ARL8B: variants seen among roughly 807,000 people sequenced by gnomAD.
ARL8B encodes the protein ADP-ribosylation factor-like protein 8B.
ARL8B carries 9 observed loss-of-function variants against 30.6 expected under a neutral mutation model. The ratio of observed to expected loss-of-function variants is 0.29; its 90% confidence interval spans 0.18 to 0.51. The LOEUF (loss-of-function observed/expected upper bound fraction) is 0.51. Among genes scored for constraint, ARL8B ranks in the 20% least tolerant of loss-of-function variants. The pLI is 0.97. For missense variants in ARL8B, 130 were observed against 227.2 expected, an observed-to-expected ratio of 0.57 and a Z score of 2.75; for synonymous variants, 74 against 76.0, an observed-to-expected ratio of 0.97 and a Z score of 0.14.
At chr3:5,156,616 A>G (rs1490679520) in intron 1 of ARL8B, among the ~76,000 whole-genome samples, 1 of 152,140 alleles carries the variant, frequency 6.6e-6, no homozygotes, top group Non-Finnish European at 1.5e-5. Context: ...GGGTTTTGCC[A>G]TGTTGGCCAT....
intron 1 of ARL8B, among the ~76,000 whole-genome samples, chr3:5,124,173 A>G (rs1027087327): frequency 6.7e-6 from 1 of 149,306 alleles, no homozygotes; most frequent in Non-Finnish European, 1.5e-5. Flanking sequence ...CTGGCCTCCT[A>G]TTGTAATATT....
chr3:5,159,410 C>T (rs1319953329), intron 1 of ARL8B, among the ~76,000 whole-genome samples: 7 of 151,456 alleles, frequency 4.6e-5, no homozygotes, highest in African/African-American at 1.7e-4. Flanking sequence ...CAAGACCAGC[C>T]TGACCAATAT....
At chr3:5,134,932 C>G (rs1209095874) in intron 1 of ARL8B, among the ~76,000 whole-genome samples, 3 of 152,180 alleles carry the variant, frequency 2.0e-5, no homozygotes, top group African/African-American at 7.2e-5. Context: ...ACTGCAACCT[C>G]CGCCTCCCAG....
At chr3:5,152,638 G>T (rs116395411) in intron 1 of ARL8B, among the ~76,000 whole-genome samples, 1 of 152,132 alleles carries the variant, frequency 6.6e-6, no homozygotes, top group Non-Finnish European at 1.5e-5. Flanking sequence ...GGCGCGTGCC[G>T]CCACACCTAG....
In ARL8B at chr3:5,122,646, C is replaced by T. The variant is rs941788970; in HGVS notation, c.123+58C>T. 3 of 1,550,130 alleles carry T rather than the reference C, an allele frequency of 1.9e-6. No individual in the cohort carries two copies. The African/African-American group carries it at 4.1e-5, about 21-fold the overall frequency. Reference sequence around the variant, plus strand: ...CCGCAGCCAGGAGTCCGGCCCGGCGCTTCTCCAAGGCCTGAGTTGGGGCCC... The same window carrying T: ...CCGCAGCCAGGAGTCCGGCCCGGCGTTTCTCCAAGGCCTGAGTTGGGGCCC... On this transcript the variant is annotated intron_variant, in intron 1 of 6. Coordinates refer to ENST00000256496, the MANE Select transcript of ARL8B (RefSeq NM_018184.3).
intron 1 of ARL8B, among the ~76,000 whole-genome samples, chr3:5,155,764 TGGCATCTTTTTC>T (rs1408414646): frequency 6.6e-6 from 1 of 151,808 alleles, no homozygotes; most frequent in Non-Finnish European, 1.5e-5. Context: ...ACTTTCTTTT[TGGCATCTTTTTC>T]GGTTTTCTAC....
At chr3:5,150,260 C>G (rs1245121780) in intron 1 of ARL8B, among the ~76,000 whole-genome samples, 1 of 151,898 alleles carries the variant, frequency 6.6e-6, no homozygotes, top group Non-Finnish European at 1.5e-5. Flanking sequence ...GTTGAGAGTT[C>G]AAGACCAGCC....
intron 1 of ARL8B, among the ~76,000 whole-genome samples, chr3:5,168,790 T>G (rs902478881): frequency 6.6e-5 from 10 of 152,226 alleles, no homozygotes; most frequent in African/African-American, 1.9e-4. Flanking sequence ...ATATTGCCTT[T>G]TAGAAAGCTT....
intron 1 of ARL8B, among the ~76,000 whole-genome samples, chr3:5,133,205 C>G (rs781264134): frequency 7.5e-6 from 1 of 133,862 alleles, no homozygotes; most frequent in Non-Finnish European, 1.6e-5. Flanking sequence ...GAAAAAGAAA[C>G]AAAGGCTGGA....
chr3:5,143,873 T>G (rs914165744), intron 1 of ARL8B, among the ~76,000 whole-genome samples: 1 of 152,240 alleles, frequency 6.6e-6, no homozygotes, highest in African/African-American at 2.4e-5. Flanking sequence ...TGCCCAAATA[T>G]GGGAGCCCAT....
chr3:5,170,826 G>A (rs889378973), intron 2 of ARL8B: 2 of 311,876 alleles, frequency 6.4e-6, no homozygotes, highest in Admixed American at 5.1e-5. Context: ...CTACCTCCCG[G>A]TTCAAGTGAT....
chr3:5,140,542 C>T (rs1209218003), intron 1 of ARL8B, among the ~76,000 whole-genome samples: 2 of 149,258 alleles, frequency 1.3e-5, no homozygotes, highest in Non-Finnish European at 3.0e-5. Flanking sequence ...TGAGAACAGA[C>T]TCATACACCT....
chr3:5,123,398 A>T (rs1256958777), intron 1 of ARL8B, among the ~76,000 whole-genome samples: 1 of 152,194 alleles, frequency 6.6e-6, no homozygotes, highest in Non-Finnish European at 1.5e-5. Context: ...TGCACTGAGG[A>T]CTTACATAGA....
chr3:5,151,556 G>C (rs1483312862), intron 1 of ARL8B, among the ~76,000 whole-genome samples: 1 of 151,982 alleles, frequency 6.6e-6, no homozygotes. Flanking sequence ...TTTCCCTTGA[G>C]GCTTCCTTCT....
intron 1 of ARL8B, among the ~76,000 whole-genome samples, chr3:5,125,170 G>A (rs1386107752): frequency 6.6e-6 from 1 of 152,252 alleles, no homozygotes; most frequent in South Asian, 2.1e-4. Context: ...GTAATGATAT[G>A]TTTCTTACAG....
At position 5,122,457 on chromosome 3, in the gene ARL8B, G is replaced by A; in HGVS notation, c.-9G>A. ...GTCCTCCCGTCCGTTCTCGCTCCCG[G>A]CCGCCATCATGCTGGCGCTCATCTC... On this transcript the variant is annotated 5_prime_UTR_variant, in exon 1 of 7. Transcript: ENST00000256496. 6.2e-7 allele frequency: 1 copy of A among 1,612,602 alleles called. No individual in the cohort carries two copies. Among genetic ancestry groups the A allele is most frequent in the Non-Finnish European group, 8.5e-7 (1 of 1,179,606 alleles).
rs750495291 is a variant in ARL8B at position 5,178,875 on chromosome 3, C to T, written c.*162C>T. On this transcript the variant is annotated 3_prime_UTR_variant, in exon 7 of 7. Transcript: ENST00000256496. The stretch of plus-strand genomic sequence containing the variant: ...CTGCTGAAGATGAATATCCCTAATC[C>T]TTCATAAAGAATCAGCTAGAGTTGT... 7.1e-6 allele frequency: 9 copies of T among 1,265,104 alleles called. No homozygotes were observed. The highest frequency in any genetic ancestry group is 3.0e-5 in the Admixed American group (1 of 33,664). The allele number at this position is 1,265,104 out of a possible 1,614,324, so 78.4% of individuals were successfully genotyped here. A position where few individuals can be genotyped will look rare whatever the true frequency, so the allele number is the denominator to read the frequency against.
At chr3:5,177,580 C>T (rs377088530) in intron 6 of ARL8B, among the ~76,000 whole-genome samples, 138 of 151,888 alleles carry the variant, frequency 9.1e-4, no homozygotes, top group Middle Eastern at 3.4e-3. Context: ...CTCAGCCTCC[C>T]GAGTAGCTGG....
At chr3:5,126,179 G>A (rs1054259225) in intron 1 of ARL8B, among the ~76,000 whole-genome samples, 12 of 151,742 alleles carry the variant, frequency 7.9e-5, no homozygotes, top group African/African-American at 2.7e-4. Flanking sequence ...AATATGTTGA[G>A]GATGTAGTGA....
Sources: allele counts gnomAD v4.1 joint callset (sites outside exome capture counted in the v4.1 genomes callset), GRCh38; gene constraint gnomAD v4.1.1; transcripts MANE v1.5; gene names NCBI Gene and HGNC (gene_info 2026-07-23, HGNC 2026-07-21).